The following MYPN variants were observed in gnomAD, a reference collection of about 807,000 sequenced individuals.
MYPN encodes the protein sarcomeric protein myopalladin, 145 kDa (MYOP).
In MYPN, 63 loss-of-function variants were observed where a neutral mutation model predicts 129.4. That is an observed-to-expected ratio of 0.49 (90% CI 0.40 to 0.60). MYPN has a LOEUF of 0.60. Among genes scored for constraint, MYPN ranks in the 20% least tolerant of loss-of-function variants. The probability of loss-of-function intolerance (pLI) is 0.00; values close to 1 mark genes in which losing one functional copy is unlikely to be tolerated. For synonymous variants in MYPN, 629 were observed against 600.9 expected (o/e 1.05, Z -0.68); for missense variants, 1,596 against 1,635.4 (o/e 0.98, Z 0.42).
At chr10:68,190,246 GCA>G (rs1329477308) in intron 13 of MYPN, among the ~76,000 whole-genome samples, 1 of 152,152 alleles carries the variant, frequency 6.6e-6, no homozygotes, top group Non-Finnish European at 1.5e-5. Context: ...GAGTGTGGTG[GCA>G]CAGTCTTGGC....
At chr10:68,136,018 T>A (rs1184444116) in intron 2 of MYPN, among the ~76,000 whole-genome samples, 1 of 152,218 alleles carries the variant, frequency 6.6e-6, no homozygotes, top group Non-Finnish European at 1.5e-5. Flanking sequence ...CAAGCGTTAT[T>A]ACTGGTGAGT....
chr10:68,140,066 C>T (rs752091060), intron 2 of MYPN, among the ~76,000 whole-genome samples: 4 of 152,030 alleles, frequency 2.6e-5, no homozygotes, highest in South Asian at 2.1e-4. Flanking sequence ...TCTGAGAAGG[C>T]GACATTTGAG....
At chr10:68,090,134 C>T (rs1003663148) in intron 1 of MYPN, among the ~76,000 whole-genome samples, 4 of 152,098 alleles carry the variant, frequency 2.6e-5, no homozygotes, top group African/African-American at 9.7e-5. Flanking sequence ...AAATCTTAAC[C>T]TGGCAGAATG....
At chr10:68,108,306 A>G (rs2042037032), upstream of MYPN, among the ~76,000 whole-genome samples, 1 of 152,218 alleles carries the variant, frequency 6.6e-6, no homozygotes, top group Non-Finnish European at 1.5e-5. Flanking sequence ...GATCACAATA[A>G]GCAAAGAAAT....
chr10:68,101,068 A>C (rs1014649503), intron 1 of MYPN, among the ~76,000 whole-genome samples: 3 of 152,198 alleles, frequency 2.0e-5, no homozygotes. Flanking sequence ...ATAAATATTT[A>C]TTATGTGCCT....
Position 68,174,192 on chromosome 10 carries a change from C to T in MYPN, c.2100C>T (p.Pro700=). ...TGACTGTTTTGAACTCCAATGCTCCCCCAGCGGTGACAACATCCAGTAAGC... is the reference window on the plus strand; with the variant it reads ...TGACTGTTTTGAACTCCAATGCTCCTCCAGCGGTGACAACATCCAGTAAGC... The part of the protein sequence containing the change: ...FSMTVLNSNA[P]PAVTTSSKQV... Residue 700 remains proline (P), a synonymous_variant, in exon 11 of 20, where the codon CCC becomes CCT. Coordinates refer to ENST00000358913, the MANE Select transcript of MYPN (RefSeq NM_032578.4). 6.2e-7 allele frequency: 1 copy of T among 1,614,064 alleles called. No individual in the cohort carries two copies. Among genetic ancestry groups the T allele is most frequent in the Non-Finnish European group, 8.5e-7 (1 of 1,179,966 alleles).
intron 5 of MYPN, among the ~76,000 whole-genome samples, chr10:68,148,885 T>G (rs1238211880): frequency 1.3e-5 from 2 of 152,180 alleles, no homozygotes; most frequent in East Asian, 3.9e-4. Flanking sequence ...GCTCTCATCC[T>G]TCAAGTTAAT....
chr10:68,132,137 CATATT>C (rs1227099435), intron 2 of MYPN, among the ~76,000 whole-genome samples: 3 of 152,028 alleles, frequency 2.0e-5, no homozygotes, highest in South Asian at 2.1e-4. Context: ...TCTATAATAA[CATATT>C]ATGTAGGATT....
chr10:68,183,652 G>A (rs2043375348), intron 12 of MYPN, among the ~76,000 whole-genome samples: 1 of 152,152 alleles, frequency 6.6e-6, no homozygotes, highest in African/African-American at 2.4e-5. Context: ...GCTAGAGGTG[G>A]TATGGATGGA....
At chr10:68,141,630 C>T (rs942691312) in intron 2 of MYPN, among the ~76,000 whole-genome samples, 6 of 152,202 alleles carry the variant, frequency 3.9e-5, no homozygotes, top group African/African-American at 9.7e-5. Flanking sequence ...TGTTTCCCTT[C>T]GCCCCTAATA....
chr10:68,179,194 G>A (rs12242150), intron 12 of MYPN, among the ~76,000 whole-genome samples: 1,995 of 152,058 alleles, frequency 0.013, 50 homozygotes, highest in African/African-American at 0.046. Context: ...TTTGTGAGCC[G>A]TGAATAGTCA....
At chr10:68,150,194 T>G (rs2042744656) in intron 6 of MYPN, 83 bp downstream of exon 6, 1 of 1,261,610 alleles carries the variant, frequency 7.9e-7, no homozygotes, top group Non-Finnish European at 1.2e-6. Flanking sequence ...TTTATTCATT[T>G]TTATCTCAGG....
intron 1 of MYPN, among the ~76,000 whole-genome samples, chr10:68,092,566 C>T (rs2041936125): frequency 1.3e-5 from 2 of 151,712 alleles, no homozygotes; most frequent in Admixed American, 1.3e-4. Flanking sequence ...GATGAACATC[C>T]TTATAAATAC....
intron 2 of MYPN, among the ~76,000 whole-genome samples, chr10:68,134,799 A>C (rs2042460871): frequency 6.6e-6 from 1 of 152,096 alleles, no homozygotes; most frequent in Non-Finnish European, 1.5e-5. Flanking sequence ...ATCTCAAAAA[A>C]ATAAATTAAT....
intron 2 of MYPN, among the ~76,000 whole-genome samples, chr10:68,129,272 G>A (rs541027076): frequency 3.3e-5 from 5 of 152,290 alleles, no homozygotes; most frequent in African/African-American, 1.2e-4. Flanking sequence ...GTCTCTCTAT[G>A]TATGTTTGAA....
At chr10:68,097,220 C>T (rs932567350) in intron 1 of MYPN, among the ~76,000 whole-genome samples, 2 of 152,206 alleles carry the variant, frequency 1.3e-5, no homozygotes, top group African/African-American at 4.8e-5. Context: ...TGTAAGTGAT[C>T]TGATTTGCAT....
At chr10:68,204,454 G>A (rs2043776863) in intron 18 of MYPN, among the ~76,000 whole-genome samples, 1 of 152,086 alleles carries the variant, frequency 6.6e-6, no homozygotes, top group Non-Finnish European at 1.5e-5. Context: ...GGGCGCAGTG[G>A]CTTACGCCTG....
At chr10:68,109,411 C>T (rs2042050878), upstream of MYPN, 3 of 424,050 alleles carry the variant, frequency 7.1e-6, no homozygotes, top group Non-Finnish European at 1.4e-5. Context: ...TCCCTTTGCT[C>T]AGTTTTCTCC....
At chr10:68,157,702 C>CGTG (rs999047059) in intron 6 of MYPN, among the ~76,000 whole-genome samples, 5 of 148,432 alleles carry the variant, frequency 3.4e-5, no homozygotes, top group African/African-American at 5.0e-5. Flanking sequence ...ATTAGCCGGG[C>CGTG]GTGGTGACCT....
Sources: gnomAD v4.1 joint callset for allele counts (sites outside exome capture counted in the v4.1 genomes callset) on GRCh38, gnomAD v4.1.1 for gene constraint, MANE v1.5 for transcripts, NCBI Gene and HGNC (gene_info 2026-07-23, HGNC 2026-07-21) for gene names.